Variants in TAFAZZIN observed in about 807,000 individuals in gnomAD.
TAFAZZIN encodes tafazzin, phospholipid-lysophospholipid transacylase, also known as protein G4.5.
A neutral mutation model predicts 27.3 loss-of-function variants in TAFAZZIN; 6 were observed. That is an observed-to-expected ratio of 0.22 (90% CI 0.12 to 0.43). The LOEUF is 0.43. TAFAZZIN is among the 20% of genes least tolerant of loss of function. The pLI is 1.00. For missense variants in TAFAZZIN, 127 were observed against 244.5 expected, an observed-to-expected ratio of 0.52 and a Z score of 3.21; for synonymous variants, 79 against 96.2, an observed-to-expected ratio of 0.82 and a Z score of 1.04.
In TAFAZZIN at chrX:154,413,515, G is replaced by A; in HGVS notation, c.318G>A (p.Lys106=). The A allele has an allele frequency of 8.2e-7, 1 of 1,212,345 alleles. No individual in the cohort carries two copies. ...CAGCTGCAGACATCTGCTTCACCAA[G>A]GAGCTACACTCCCACTTCTTCAGCT... is the stretch of plus-strand genomic sequence containing the variant. ...TPAAADICFT[K]ELHSHFFSLG... Residue 106 remains lysine (K), a synonymous_variant, in exon 4 of 11, where the codon AAG becomes AAA. Coordinates refer to ENST00000601016, the MANE Select transcript of TAFAZZIN (RefSeq NM_000116.5).
intron 2 of TAFAZZIN, 99 bp from the exon 3 acceptor site, chrX:154,413,108 T>C (rs782070470): frequency 7.0e-4 from 786 of 1,119,545 alleles, no homozygotes; most frequent in Middle Eastern, 1.4e-3. Flanking sequence ...TGTAGGGAAA[T>C]GGTAGTGCTG....
chrX:154,416,695 G>A (rs1440870567), intron 5 of TAFAZZIN, among the ~76,000 whole-genome samples: 3 of 111,712 alleles, frequency 2.7e-5, no homozygotes. Flanking sequence ...TGAGCCACGG[G>A]GAGAAGGGTG....
chrX:154,420,709 C>T lies in TAFAZZIN; in HGVS notation c.751C>T (p.Arg251Trp), dbSNP rs372689133. Residue 251 changes from arginine (R) to tryptophan (W), a missense_variant, in exon 10 of 11, where the codon CGG becomes TGG. This residue lies in a region of TAFAZZIN where 31 missense variants were observed against 39.6 expected (regional missense o/e 0.78). Transcript: ENST00000601016. ...KPFSALPVLE[R>W]LRAENKSAVE... The stretch of plus-strand genomic sequence containing the variant: ...CTTCAGTGCCCTGCCTGTACTCGAG[C>T]GGCTCCGGGCGGAGAACAAGTCGGC... 49 of 1,209,050 alleles carry T rather than the reference C, an allele frequency of 4.1e-5. No individual in the cohort carries two copies. Among genetic ancestry groups the T allele is most frequent in the Non-Finnish European group, 5.1e-5 (46 of 894,877 alleles).
At chrX:154,414,920 T>G (rs1364510207) in intron 5 of TAFAZZIN, among the ~76,000 whole-genome samples, 5 of 92,180 alleles carry the variant, frequency 5.4e-5, no homozygotes, top group Non-Finnish European at 8.4e-5. Flanking sequence ...ACCCGGGAGG[T>G]GGAGGTTGTG....
chrX:154,413,442 G>A (rs1490156258), intron 3 of TAFAZZIN, 40 bp from the exon 4 acceptor site: 4 of 1,207,685 alleles, frequency 3.3e-6, no homozygotes, highest in Admixed American at 2.2e-5. Flanking sequence ...GGTGGAGCGG[G>A]GTGCAGGGGG....
Position 154,421,444 on chromosome X carries a change from C to T in TAFAZZIN, c.*440C>T, listed in dbSNP as rs1053471359. The T allele has an allele frequency of 1.2e-5, 4 of 334,111 alleles. No homozygotes were observed. Among genetic ancestry groups the T allele is most frequent in the Non-Finnish European group, 2.3e-5 (4 of 173,404 alleles). The allele number at this position is 334,111 out of a possible 1,213,427, so 27.5% of individuals were successfully genotyped here. ...TACCTCCTCAGGGATGGCCGTTGGC[C>T]ACGTCTTCCTTCTGCCTGAGCTTCC... On this transcript the variant is annotated 3_prime_UTR_variant, in exon 11 of 11. Coordinates refer to ENST00000601016, the MANE Select transcript of TAFAZZIN (RefSeq NM_000116.5).
chrX:154,416,013 C>CT (rs1330405888), intron 5 of TAFAZZIN, among the ~76,000 whole-genome samples: 1 of 110,282 alleles, frequency 9.1e-6, no homozygotes, highest in Non-Finnish European at 1.9e-5. Context: ...AATCCCAGTA[C>CT]TTTGCGAGGC....
Sources: allele counts gnomAD v4.1 joint callset (sites outside exome capture counted in the v4.1 genomes callset), GRCh38; gene constraint gnomAD v4.1.1; regional missense constraint gnomAD v4.1.1; transcripts MANE v1.5; gene names NCBI Gene and HGNC (gene_info 2026-07-23, HGNC 2026-07-21).